BCAS1: variants seen among roughly 807,000 people sequenced by gnomAD.
BCAS1 encodes breast carcinoma-amplified sequence 1.
A neutral mutation model predicts 65.4 loss-of-function variants in BCAS1; 46 were observed. The observed-to-expected ratio is 0.70, with a 90% CI of 0.55 to 0.90. The LOEUF (loss-of-function observed/expected upper bound fraction) is 0.90. Among genes scored for constraint, BCAS1 ranks in the 40% least tolerant of loss-of-function variants. The pLI, the probability that BCAS1 is intolerant of heterozygous loss-of-function variation, is 0.00. For missense variants in BCAS1, 793 were observed against 771.2 expected, an observed-to-expected ratio of 1.03 and a Z score of -0.33; for synonymous variants, 298 against 293.5, an observed-to-expected ratio of 1.02 and a Z score of -0.16.
At chr20:54,054,110 C>T (rs988544132) in intron 3 of BCAS1, among the ~76,000 whole-genome samples, 2 of 152,100 alleles carry the variant, frequency 1.3e-5, no homozygotes, top group Admixed American at 1.3e-4. Context: ...CATCAAATCT[C>T]GTGAGACTTA....
At chr20:54,043,328 T>C (rs78464607) in intron 3 of BCAS1, among the ~76,000 whole-genome samples, 17 of 133,422 alleles carry the variant, frequency 1.3e-4, no homozygotes, top group Non-Finnish European at 4.9e-5. Context: ...ATGATGATGA[T>C]GACGATGATT....
intron 4 of BCAS1, among the ~76,000 whole-genome samples, chr20:54,024,384 C>T (rs111687294): frequency 2.0e-5 from 3 of 152,160 alleles, no homozygotes; most frequent in Non-Finnish European, 2.9e-5. Context: ...CATTGTTAGG[C>T]GATGAATGAA....
intron 12 of BCAS1, among the ~76,000 whole-genome samples, chr20:53,946,898 ATAATATG>A (rs1858564715): frequency 6.6e-6 from 1 of 151,992 alleles, no homozygotes; most frequent in African/African-American, 2.4e-5. Flanking sequence ...ATGATATCGT[ATAATATG>A]TAATATAGTA....
At chr20:54,011,605 G>C (rs867100133) in intron 4 of BCAS1, among the ~76,000 whole-genome samples, 1 of 152,208 alleles carries the variant, frequency 6.6e-6, no homozygotes, top group Non-Finnish European at 1.5e-5. Context: ...TGGGAAGGAT[G>C]CAAGAAACTC....
intron 4 of BCAS1, among the ~76,000 whole-genome samples, chr20:54,011,345 G>C (rs1160671795): frequency 6.6e-6 from 1 of 152,080 alleles, no homozygotes; most frequent in Non-Finnish European, 1.5e-5. Context: ...CGAGAGACTA[G>C]TATTTAGAAT....
chr20:54,011,137 A>T (rs1427628816), intron 4 of BCAS1, among the ~76,000 whole-genome samples: 2 of 146,434 alleles, frequency 1.4e-5, no homozygotes, highest in African/African-American at 5.1e-5. Context: ...TTAGGAAAAA[A>T]ATAAGAGAAA....
intron 3 of BCAS1, among the ~76,000 whole-genome samples, chr20:54,035,908 A>G (rs778281496): frequency 6.6e-6 from 1 of 151,330 alleles, no homozygotes; most frequent in Non-Finnish European, 1.5e-5. Context: ...TTGCAGGAAC[A>G]TGAATGGAGC....
At chr20:54,018,826 T>C (rs530388356) in intron 4 of BCAS1, among the ~76,000 whole-genome samples, 1 of 152,308 alleles carries the variant, frequency 6.6e-6, no homozygotes. Context: ...GCAAGTGTTA[T>C]GACGAAGGAC....
intron 4 of BCAS1, among the ~76,000 whole-genome samples, chr20:54,001,390 C>A (rs1191286460): frequency 6.6e-6 from 1 of 152,162 alleles, no homozygotes; most frequent in Non-Finnish European, 1.5e-5. Context: ...ACCAGTCCAC[C>A]TTTGTAAAAC....
chr20:54,024,197 G>A (rs559797373), intron 4 of BCAS1, among the ~76,000 whole-genome samples: 8 of 152,276 alleles, frequency 5.3e-5, no homozygotes, highest in Non-Finnish European at 1.0e-4. Flanking sequence ...GGAAACCTAG[G>A]CTACTTGACT....
rs2092398767 is a variant in BCAS1 at position 54,063,365 on chromosome 20, A to G, written c.-5-4642T>C. On this transcript the variant is annotated intron_variant, in intron 1 of 12. Coordinates refer to ENST00000688948, the MANE Select transcript of BCAS1 (RefSeq NM_001366298.2). ...CAAAGTGCCCTGAACAGGGCCTGGC[A>G]CATAAAGAGGACTGCACAAGAGTTA... Among the ~76,000 whole-genome samples, 3 of 152,228 alleles carry G rather than the reference A, an allele frequency of 2.0e-5. No individual in the cohort carries two copies. In the South Asian group the frequency reaches 6.2e-4, roughly 32 times the overall value.
intron 9 of BCAS1, among the ~76,000 whole-genome samples, chr20:53,973,274 A>G (rs900646557): frequency 2.6e-5 from 4 of 152,200 alleles, no homozygotes; most frequent in African/African-American, 9.6e-5. Context: ...AAGATGAAAT[A>G]TTGAGCCTTA....
chr20:54,034,582 T>G (rs2091862842), intron 3 of BCAS1, among the ~76,000 whole-genome samples: 1 of 150,198 alleles, frequency 6.7e-6, no homozygotes, highest in Non-Finnish European at 1.5e-5. Flanking sequence ...ATTAGGGAGG[T>G]GAAAGATCTC....
chr20:54,025,943 C>T (rs2091663539), intron 4 of BCAS1, among the ~76,000 whole-genome samples: 1 of 152,170 alleles, frequency 6.6e-6, no homozygotes. Flanking sequence ...AAAACCTTTG[C>T]AGGCATATGC....
chr20:54,060,677 T>C (rs891939519), intron 1 of BCAS1, among the ~76,000 whole-genome samples: 5 of 152,158 alleles, frequency 3.3e-5, no homozygotes, highest in African/African-American at 1.2e-4. Context: ...AGATGGCAGG[T>C]TGTGGCACTG....
intron 3 of BCAS1, among the ~76,000 whole-genome samples, chr20:54,035,400 C>CAAAAAAAAAAAAAA (rs1288429763): frequency 1.6e-5 from 1 of 62,066 alleles, no homozygotes; most frequent in Non-Finnish European, 3.2e-5. Flanking sequence ...GACTCCGTCT[C>CAAAAAAAAAAAAAA]AAAAAAAAAA....
chr20:53,986,499 A>AT (rs929007109), intron 7 of BCAS1, among the ~76,000 whole-genome samples: 61 of 152,048 alleles, frequency 4.0e-4, no homozygotes, highest in South Asian at 2.1e-3. Flanking sequence ...TCATTTTATG[A>AT]TTTTTTTTGC....
Position 54,029,345 on chromosome 20 carries a change from A to T in BCAS1, c.143-373T>A, listed in dbSNP as rs138832606. 4.1e-4 allele frequency: 231 copies of T among 562,846 alleles called. No homozygotes were observed. In the African/African-American group the frequency reaches 4.4e-3, roughly 11 times the overall value. 34.9% of individuals were successfully genotyped at this position (562,846 alleles called of 1,614,324 possible). On this transcript the variant is annotated intron_variant, in intron 3 of 12. Coordinates refer to ENST00000688948, the MANE Select transcript of BCAS1 (RefSeq NM_001366298.2). ...TTAGGAGCTTGGGTTCTGGAGCTAGAACAAGGTTTCTCAACCTCAGCACTA... is the reference window on the plus strand; with the variant it reads ...TTAGGAGCTTGGGTTCTGGAGCTAGTACAAGGTTTCTCAACCTCAGCACTA...
intron 11 of BCAS1, among the ~76,000 whole-genome samples, chr20:53,955,546 GT>G (rs1425466696): frequency 2.0e-5 from 3 of 152,236 alleles, no homozygotes; most frequent in South Asian, 4.1e-4. Flanking sequence ...TAAGAACTCA[GT>G]GTCTGGAGTC....
Sources: gnomAD v4.1 joint callset for allele counts (sites outside exome capture counted in the v4.1 genomes callset) on GRCh38, gnomAD v4.1.1 for gene constraint, MANE v1.5 for transcripts, NCBI Gene and HGNC (gene_info 2026-07-23, HGNC 2026-07-21) for gene names.